Variants in ZNF676 observed in about 807,000 individuals in gnomAD.
ZNF676 encodes zinc finger protein 676.
Under a neutral mutation model 6.0 loss-of-function variants are expected in ZNF676, and 4 were observed. That is an observed-to-expected ratio of 0.67 (90% CI 0.33 to 1.53). The LOEUF (loss-of-function observed/expected upper bound fraction) is 1.53, where lower values mean the gene tolerates loss of function less well. Among genes scored for constraint, ZNF676 ranks in the 40% most tolerant of loss-of-function variants. The pLI is 0.06. For synonymous variants in ZNF676, 198 were observed against 223.1 expected, an observed-to-expected ratio of 0.89 and a Z score of 1.00; for missense variants, 644 against 679.7, an observed-to-expected ratio of 0.95 and a Z score of 0.58.
chr19:22,190,804 ATCAC>A (rs2023898293), intron 2 of ZNF676, among the ~76,000 whole-genome samples: 1 of 151,590 alleles, frequency 6.6e-6, no homozygotes, highest in Admixed American at 6.6e-5. Context: ...ATACTGGAAT[ATCAC>A]TCAGTTTTCA....
chr19:22,181,598 T>G lies in ZNF676; in HGVS notation c.131-12A>C. On this transcript the variant is annotated splice_polypyrimidine_tract_variant and intron_variant, in intron 2 of 2. Coordinates refer to ENST00000397121, the MANE Select transcript of ZNF676 (RefSeq NM_001001411.3). ...ATGAGAACATATAACTGAAAAGAAA[T>G]AAAAATAACAAATTAATCTACATAT... 1 of 1,511,116 alleles carries G rather than the reference T, an allele frequency of 6.6e-7. No homozygotes were observed. The highest frequency in any genetic ancestry group is 8.8e-7 in the Non-Finnish European group (1 of 1,134,126). The allele number at this position is 1,511,116 out of a possible 1,614,324, so 93.6% of individuals were successfully genotyped here. A position where few individuals can be genotyped will look rare whatever the true frequency, so the allele number is the denominator to read the frequency against.
chr19:22,242,621 T>C, the ZNF676 span, among the ~76,000 whole-genome samples: 1 of 151,918 alleles, frequency 6.6e-6, no homozygotes. Flanking sequence ...ACATCCCAAT[T>C]TCTTCTTGGA....
At chr19:22,198,490 C>G (rs547946422), upstream of ZNF676, among the ~76,000 whole-genome samples, 1 of 152,158 alleles carries the variant, frequency 6.6e-6, no homozygotes, top group Non-Finnish European at 1.5e-5. Context: ...GGACACAGAT[C>G]TTGATCTCAG....
chr19:22,209,186 C>A (rs571297032), intron 1 of ZNF676, among the ~76,000 whole-genome samples: 12 of 152,090 alleles, frequency 7.9e-5, no homozygotes, highest in Admixed American at 2.6e-4. Flanking sequence ...TGCTTGAACC[C>A]GGGAGGTGGA....
At chr19:22,249,196 A>G in the ZNF676 span, among the ~76,000 whole-genome samples, 1 of 152,324 alleles carries the variant, frequency 6.6e-6, no homozygotes, top group South Asian at 2.1e-4. Context: ...GGTGTGTAAG[A>G]AAAGTAGAAT....
chr19:22,248,000 G>A, the ZNF676 span, among the ~76,000 whole-genome samples: 1 of 149,910 alleles, frequency 6.7e-6, no homozygotes, highest in Admixed American at 6.8e-5. Flanking sequence ...TGCGGTGCTT[G>A]GTTTTTTGTC....
the ZNF676 span, among the ~76,000 whole-genome samples, chr19:22,238,361 A>T: frequency 6.6e-6 from 1 of 152,134 alleles, no homozygotes; most frequent in African/African-American, 2.4e-5. Context: ...GGTGAAAGGT[A>T]TGTATAGAGT....
the ZNF676 span, among the ~76,000 whole-genome samples, chr19:22,238,244 G>A: frequency 6.6e-6 from 1 of 152,040 alleles, no homozygotes; most frequent in Non-Finnish European, 1.5e-5. Flanking sequence ...TAGAGAGGGG[G>A]TTTCACCATC....
At chr19:22,235,003 AG>A in the ZNF676 span, among the ~76,000 whole-genome samples, 1 of 117,986 alleles carries the variant, frequency 8.5e-6, no homozygotes, top group African/African-American at 3.4e-5. Context: ...AAAGAAAGAA[AG>A]AAAGAAAGAA....
the ZNF676 span, among the ~76,000 whole-genome samples, chr19:22,235,459 C>T: frequency 6.6e-6 from 1 of 152,180 alleles, no homozygotes; most frequent in Non-Finnish European, 1.5e-5. Context: ...AGACATTGTG[C>T]CTCTTTCTTG....
chr19:22,205,124 T>C (rs192842896), intron 1 of ZNF676, among the ~76,000 whole-genome samples: 1 of 152,028 alleles, frequency 6.6e-6, no homozygotes, highest in Admixed American at 6.5e-5. Flanking sequence ...AGAGAGAAAA[T>C]TGTTATAAAA....
chr19:22,183,364 T>G (rs2023788488), intron 2 of ZNF676, among the ~76,000 whole-genome samples: 1 of 152,252 alleles, frequency 6.6e-6, no homozygotes, highest in South Asian at 2.1e-4. Flanking sequence ...TGAGACAAAG[T>G]TTTACTCTTG....
At chr19:22,215,283 C>A (rs1286561708) in intron 1 of ZNF676, among the ~76,000 whole-genome samples, 2 of 152,108 alleles carry the variant, frequency 1.3e-5, no homozygotes, top group Non-Finnish European at 2.9e-5. Context: ...GAACTGGGAG[C>A]CTCACGGACC....
chr19:22,244,515 G>T, the ZNF676 span: 1 of 152,234 alleles, frequency 6.6e-6, no homozygotes, highest in Non-Finnish European at 1.5e-5. Flanking sequence ...ACTATAAGTA[G>T]AAAATGAGCA....
upstream of ZNF676, among the ~76,000 whole-genome samples, chr19:22,198,568 A>C (rs1267126373): frequency 2.0e-5 from 3 of 152,148 alleles, no homozygotes; most frequent in East Asian, 5.8e-4. Context: ...ATTCTTTCTC[A>C]GATAAAATTT....
At chr19:22,223,160 G>A in the ZNF676 span, among the ~76,000 whole-genome samples, 1 of 152,180 alleles carries the variant, frequency 6.6e-6, no homozygotes, top group East Asian at 1.9e-4. Flanking sequence ...GTGGGAGCAA[G>A]TTGAGTTGGC....
the ZNF676 span, among the ~76,000 whole-genome samples, chr19:22,251,856 C>G: frequency 6.6e-6 from 1 of 151,754 alleles, no homozygotes; most frequent in African/African-American, 2.4e-5. Flanking sequence ...GTAGCAAACC[C>G]ATATCAGCTT....
rs570225845 is a variant in ZNF676, at chr19:22,181,150, A to G, written c.567T>C (p.Ser189=). ...NWSSTLTYYK[S]IHTGEKPYKC... ...TGTAGGGTTTCTCTCCAGTATGAATACTCTTATAATAAGTAAGGGTTGAGG... is the reference window on the plus strand; with the variant it reads ...TGTAGGGTTTCTCTCCAGTATGAATGCTCTTATAATAAGTAAGGGTTGAGG... Residue 189 remains serine, a synonymous_variant, in exon 3 of 3, where the codon AGT becomes AGC. Coordinates refer to ENST00000397121, the MANE Select transcript of ZNF676 (RefSeq NM_001001411.3). 2.7e-5 allele frequency: 43 copies of G among 1,612,864 alleles called. No individual in the cohort carries two copies. The highest frequency in any genetic ancestry group is 3.6e-5 in the Non-Finnish European group (42 of 1,179,672).
upstream of ZNF676, among the ~76,000 whole-genome samples, chr19:22,198,996 T>C (rs1385136486): frequency 6.8e-6 from 1 of 147,828 alleles, no homozygotes; most frequent in Non-Finnish European, 1.5e-5. Context: ...TAAAACAACA[T>C]GAATGCTTCC....
Sources: gnomAD v4.1 joint callset for allele counts (sites outside exome capture counted in the v4.1 genomes callset) on GRCh38, gnomAD v4.1.1 for gene constraint, MANE v1.5 for transcripts, NCBI Gene and HGNC (gene_info 2026-07-23, HGNC 2026-07-21) for gene names.